The following FRYL variants were observed in gnomAD, a reference collection of about 807,000 sequenced individuals.
FRYL encodes FRY like transcription coactivator.
FRYL carries 150 observed loss-of-function variants against 351.2 expected under a neutral mutation model. The observed-to-expected ratio is 0.43, with a 90% CI of 0.37 to 0.49. FRYL has a LOEUF of 0.49. FRYL is among the 20% of genes least tolerant of loss of function. The pLI, the probability that FRYL is intolerant of heterozygous loss-of-function variation, is 0.00. For synonymous variants in FRYL, 1,153 were observed against 1,257.1 expected (o/e 0.92, Z 1.75); for missense variants, 3,036 against 3,619.3 (o/e 0.84, Z 4.13).
intron 1 of FRYL, among the ~76,000 whole-genome samples, chr4:48,772,162 G>A (rs1775579176): frequency 6.6e-6 from 1 of 152,190 alleles, no homozygotes; most frequent in African/African-American, 2.4e-5. Flanking sequence ...TTTTAAGGTG[G>A]AAGGATGCAG....
At chr4:48,772,290 A>C (rs1192154629) in intron 1 of FRYL, among the ~76,000 whole-genome samples, 1 of 152,132 alleles carries the variant, frequency 6.6e-6, no homozygotes, top group African/African-American at 2.4e-5. Context: ...ATAGTAATTC[A>C]CTTGATAGTC....
intron 3 of FRYL, among the ~76,000 whole-genome samples, chr4:48,645,013 T>C (rs1473674836): frequency 6.0e-5 from 9 of 150,292 alleles, no homozygotes; most frequent in Middle Eastern, 3.4e-3. Flanking sequence ...CCAAAAGATA[T>C]ACATAAGCAA....
intron 27 of FRYL, among the ~76,000 whole-genome samples, chr4:48,570,188 C>T (rs17575720): frequency 0.51 from 77,591 of 151,886 alleles, 20,246 homozygotes; most frequent in South Asian, 0.61. Flanking sequence ...TCTCCTTCAA[C>T]GGTCAGGTAA....
intron 35 of FRYL, among the ~76,000 whole-genome samples, chr4:48,553,942 T>C (rs984208606): frequency 6.6e-6 from 1 of 152,236 alleles, no homozygotes; most frequent in Non-Finnish European, 1.5e-5. Flanking sequence ...AGTTTTCTCA[T>C]CTGCAAAATG....
chr4:48,766,237 T>A (rs1774931821), intron 1 of FRYL, among the ~76,000 whole-genome samples: 1 of 152,222 alleles, frequency 6.6e-6, no homozygotes, highest in Admixed American at 6.5e-5. Flanking sequence ...GAGTCTGGTT[T>A]GTGAGGAACT....
chr4:48,581,187 C>T (rs1424695950), intron 21 of FRYL, among the ~76,000 whole-genome samples: 1 of 151,928 alleles, frequency 6.6e-6, no homozygotes, highest in Admixed American at 6.6e-5. Flanking sequence ...ACTACAGGCG[C>T]CCGCCACCAC....
At chr4:48,736,850 G>GAAAAAAAAAAAAAAAAAAAA (rs368006420) in intron 1 of FRYL, among the ~76,000 whole-genome samples, 3 of 40,604 alleles carry the variant, frequency 7.4e-5, no homozygotes, top group African/African-American at 9.8e-5. Context: ...ACTCTGTCTC[G>GAAAAAAAAAAAAAAAAAAAA]AAAAAAAAAA....
At chr4:48,510,179 T>A (rs1374444939) in intron 58 of FRYL, 22 bp from the exon 59 acceptor site, 8 of 1,536,876 alleles carry the variant, frequency 5.2e-6, no homozygotes, top group Non-Finnish European at 7.2e-6. Flanking sequence ...GAAGTATTGA[T>A]CCAGGTTACC....
chr4:48,675,576 C>T (rs576078055), intron 3 of FRYL, among the ~76,000 whole-genome samples: 19 of 152,358 alleles, frequency 1.2e-4, no homozygotes, highest in African/African-American at 2.6e-4. Flanking sequence ...GCTGCCTTCC[C>T]GCGGGGCAGG....
chr4:48,657,708 A>T (rs1476898447), intron 3 of FRYL, among the ~76,000 whole-genome samples: 3 of 151,968 alleles, frequency 2.0e-5, no homozygotes, highest in Non-Finnish European at 2.9e-5. Flanking sequence ...CTTCAATTAT[A>T]CTCCTCCCCA....
At chr4:48,627,600 G>A (rs1752083071) in intron 4 of FRYL, among the ~76,000 whole-genome samples, 2 of 152,020 alleles carry the variant, frequency 1.3e-5, no homozygotes, top group Non-Finnish European at 2.9e-5. Flanking sequence ...ATTTTTGAAT[G>A]CAAAAGGATA....
intron 54 of FRYL, 129 bp downstream of exon 54, chr4:48,522,772 A>G (rs2148833449): frequency 1.3e-6 from 1 of 760,574 alleles, no homozygotes; most frequent in East Asian, 2.5e-5. Flanking sequence ...GTACTCCATT[A>G]GTGTTGCAAT....
At chr4:48,708,222 T>A (rs900160123) in intron 2 of FRYL, among the ~76,000 whole-genome samples, 1 of 151,238 alleles carries the variant, frequency 6.6e-6, no homozygotes, top group Non-Finnish European at 1.5e-5. Flanking sequence ...GAGGTTGCAG[T>A]AAGCCGAGAT....
intron 40 of FRYL, 116 bp downstream of exon 40, chr4:48,548,574 G>A: frequency 1.5e-6 from 1 of 654,700 alleles, no homozygotes; most frequent in South Asian, 1.9e-5. Flanking sequence ...AAGTGTCATG[G>A]AAATAACATA....
At chr4:48,523,483 C>T (rs1484790460) in intron 53 of FRYL, 1 of 160,556 alleles carries the variant, frequency 6.2e-6, no homozygotes, top group East Asian at 1.8e-4. Flanking sequence ...CAGGCTGCAA[C>T]TTACCTGCAG....
At chr4:48,580,579 C>T (rs1003654790) in intron 22 of FRYL, 3 of 352,564 alleles carry the variant, frequency 8.5e-6, no homozygotes, top group African/African-American at 4.2e-5. Context: ...AAAGAGCAAA[C>T]GGTAGCATAA....
chr4:48,630,957 G>A (rs1005036324), intron 4 of FRYL, among the ~76,000 whole-genome samples: 1 of 152,000 alleles, frequency 6.6e-6, no homozygotes, highest in African/African-American at 2.4e-5. Context: ...ACCTAAAAGG[G>A]TACAGAATAA....
intron 48 of FRYL, 146 bp downstream of exon 48, chr4:48,535,511 T>TG (rs1392940117): frequency 2.4e-6 from 1 of 409,134 alleles, no homozygotes; most frequent in African/African-American, 2.1e-5. Context: ...ATACCAGTGC[T>TG]GCTTCTGCAT....
At position 48,499,707 on chromosome 4, in the gene FRYL, T is replaced by C. The variant is rs774173038; in HGVS notation, c.8784-27A>G. 2.5e-6 allele frequency: 4 copies of C among 1,607,248 alleles called. No individual in the cohort carries two copies. The Admixed American group carries it at 6.7e-5, about 27-fold the overall frequency. On this transcript the variant is annotated intron_variant, in intron 63 of 63. Coordinates refer to ENST00000358350, the MANE Select transcript of FRYL (RefSeq NM_015030.2). ...TGAAAATACACAATAGTTTTTCAGT[T>C]CTGAGACTTAGGCAATAGTTAAGAC...
Sources: allele counts gnomAD v4.1 joint callset (sites outside exome capture counted in the v4.1 genomes callset), GRCh38; gene constraint gnomAD v4.1.1; transcripts MANE v1.5; gene names NCBI Gene and HGNC (gene_info 2026-07-23, HGNC 2026-07-21).